MYBL2: variants seen among roughly 807,000 people sequenced by gnomAD.
MYBL2 encodes the protein MYB proto-oncogene like 2.
MYBL2 carries 28 observed loss-of-function variants against 79.9 expected under a neutral mutation model. The ratio of observed to expected loss-of-function variants is 0.35; its 90% CI spans 0.26 to 0.48. The LOEUF (loss-of-function observed/expected upper bound fraction) is 0.48, where lower values mean the gene tolerates loss of function less well. MYBL2 is among the 20% of genes least tolerant of loss of function. The pLI is 0.99. For synonymous variants in MYBL2, 378 were observed against 361.2 expected (o/e 1.05, Z -0.53); for missense variants, 735 against 893.9 (o/e 0.82, Z 2.27).
chr20:43,671,389 C>G (rs750435229), intron 1 of MYBL2, among the ~76,000 whole-genome samples: 2 of 151,574 alleles, frequency 1.3e-5, no homozygotes, highest in African/African-American at 4.9e-5. Flanking sequence ...AACTCCTGAC[C>G]TTGTGATCCA....
At chr20:43,674,970 A>C (rs1986969532) in intron 2 of MYBL2, among the ~76,000 whole-genome samples, 1 of 152,130 alleles carries the variant, frequency 6.6e-6, no homozygotes, top group Non-Finnish European at 1.5e-5. Flanking sequence ...AATCATATGC[A>C]ATCAAATGCC....
In MYBL2 at chr20:43,710,040, A is replaced by G; in HGVS notation, c.1583A>G (p.Lys528Arg). Residue 528 changes from lysine to arginine, a missense_variant, in exon 10 of 14, where the codon AAG becomes AGG. Transcript: ENST00000217026. The stretch of plus-strand genomic sequence containing the variant: ...ACCCCGTTCAAGAACGCCCTGGAGA[A>G]GTACGGACCCCTGAAGCCCCTGGTA... ...TPTPFKNALE[K>R]YGPLKPLPQT... 6.2e-7 allele frequency: 1 copy of G among 1,607,362 alleles called. No homozygotes were observed. The highest frequency in any genetic ancestry group is 8.5e-7 in the Non-Finnish European group (1 of 1,176,824).
chr20:43,702,993 C>G lies in MYBL2; in HGVS notation c.1365+90C>G. 16 of 1,381,052 alleles carry G rather than the reference C, an allele frequency of 1.2e-5. No individual in the cohort carries two copies. The South Asian group carries it at 2.3e-4, about 20-fold the overall frequency. 85.5% of individuals were successfully genotyped at this position (1,381,052 alleles called of 1,614,324 possible). On this transcript the variant is annotated intron_variant, in intron 8 of 13. Transcript: ENST00000217026. ...CAAGGGTGAGCAAAACGAGACCTGG[C>G]TCTGCCCTCATGCAGCTTATGCTCT...
intron 1 of MYBL2, among the ~76,000 whole-genome samples, chr20:43,671,463 ATTTTTTTTTTTTTTT>A (rs376522569): frequency 2.8e-5 from 2 of 70,868 alleles, no homozygotes; most frequent in East Asian, 8.3e-4. Context: ...GCTGATTTCC[ATTTTTTTTTTTTTTT>A]TTTTTTTTTG....
chr20:43,703,022 AG>A, intron 8 of MYBL2, 119 bp downstream of exon 8: 1 of 1,126,850 alleles, frequency 8.9e-7, no homozygotes, highest in East Asian at 2.5e-5. Flanking sequence ...ATGCTCTGGT[AG>A]GAAGACCAGG....
At chr20:43,702,136 T>TA (rs1196357423) in intron 7 of MYBL2, among the ~76,000 whole-genome samples, 1 of 151,594 alleles carries the variant, frequency 6.6e-6, no homozygotes, top group East Asian at 1.9e-4. Context: ...CAAAAAAAAG[T>TA]AAAAAATAAA....
chr20:43,688,210 T>A (rs921097883), intron 5 of MYBL2, among the ~76,000 whole-genome samples: 1 of 151,768 alleles, frequency 6.6e-6, no homozygotes, highest in Non-Finnish European at 1.5e-5. Flanking sequence ...TATTTATTCT[T>A]TTTTTTGGGA....
intron 9 of MYBL2, among the ~76,000 whole-genome samples, chr20:43,707,761 A>AT (rs895056780): frequency 3.3e-5 from 5 of 151,536 alleles, no homozygotes; most frequent in Middle Eastern, 3.4e-3. Context: ...GTATTTCTCT[A>AT]TTTTTTTCCC....
At chr20:43,677,174 T>C (rs965967340) in intron 2 of MYBL2, among the ~76,000 whole-genome samples, 9 of 152,196 alleles carry the variant, frequency 5.9e-5, no homozygotes, top group Non-Finnish European at 1.3e-4. Context: ...TATATTTGGC[T>C]CTTGTGGGCT....
chr20:43,687,411 G>C (rs530412553), intron 5 of MYBL2, among the ~76,000 whole-genome samples: 6 of 152,318 alleles, frequency 3.9e-5, no homozygotes, highest in Non-Finnish European at 8.8e-5. Flanking sequence ...CACAGAATAG[G>C]CTTGAGATGT....
intron 1 of MYBL2, among the ~76,000 whole-genome samples, chr20:43,668,368 T>C (rs1219660334): frequency 6.6e-6 from 1 of 151,942 alleles, no homozygotes; most frequent in Non-Finnish European, 1.5e-5. Flanking sequence ...GTCGGGCTAA[T>C]TTTTTGTATG....
Position 43,686,841 on chromosome 20 carries a change from T to C in MYBL2, c.280-11T>C. 6.2e-7 allele frequency: 1 copy of C among 1,612,388 alleles called. No homozygotes were observed. The highest frequency in any genetic ancestry group is 1.1e-5 in the South Asian group (1 of 91,004). On this transcript the variant is annotated splice_polypyrimidine_tract_variant and intron_variant, in intron 4 of 13. Coordinates refer to ENST00000217026, the MANE Select transcript of MYBL2 (RefSeq NM_002466.4). ...CCGGTGCAAGTGGCTACCCAGAGAC[T>C]TTTCTCTAAGGTCATCGAGCTGGTT...
rs1357986199 is a variant in MYBL2, at chr20:43,683,401, CCCCA to C, written c.279+516_279+519del. ...CAAGGCTCAGAGAGGTTGGGGATGT[CCCCA>C]ACCTAGAAGAGGCAATAAGTGCCAT... On this transcript the variant is annotated intron_variant, in intron 4 of 13. Transcript: ENST00000217026. Among the ~76,000 whole-genome samples the C allele has an allele frequency of 2.8e-4, 43 of 152,136 alleles. 1 individual carries two copies. Among genetic ancestry groups the C allele is most frequent in the African/African-American group, 1.0e-3 (42 of 41,486 alleles).
chr20:43,712,971 C>A (rs747806539), intron 11 of MYBL2, 31 bp from the exon 12 acceptor site: 1 of 1,550,574 alleles, frequency 6.4e-7, no homozygotes, highest in Non-Finnish European at 8.8e-7. Context: ...CAGACACTCA[C>A]CCTAACCCCC....
intron 5 of MYBL2, among the ~76,000 whole-genome samples, chr20:43,688,363 G>A (rs1371763320): frequency 1.3e-5 from 2 of 151,962 alleles, no homozygotes; most frequent in Non-Finnish European, 2.9e-5. Context: ...CACCATGCCT[G>A]GCTAATTTTT....
Position 43,709,972 on chromosome 20 carries a change from C to G in MYBL2, c.1515C>G (p.Thr505=). Residue 505 remains threonine (T), a synonymous_variant, in exon 10 of 14, where the codon ACC becomes ACG. Transcript: ENST00000217026. ...TTCTGGCCCCTGGCAGGTTTGTAACCCCAGATCAGAAGTACTCCATGGACA... is the reference window on the plus strand; with the variant it reads ...TTCTGGCCCCTGGCAGGTTTGTAACGCCAGATCAGAAGTACTCCATGGACA... The part of the protein sequence containing the change: ...PLHQKHAAFV[T]PDQKYSMDNT... 1 of 1,605,992 alleles carries G rather than the reference C, an allele frequency of 6.2e-7. No individual in the cohort carries two copies.
intron 2 of MYBL2, among the ~76,000 whole-genome samples, chr20:43,675,921 T>C (rs1207735108): frequency 1.3e-5 from 2 of 151,308 alleles, no homozygotes; most frequent in Non-Finnish European, 2.9e-5. Flanking sequence ...GTTTTTTTTT[T>C]TTTAAGGCAG....
chr20:43,713,136 G>A, intron 12 of MYBL2, 30 bp downstream of exon 12: 1 of 1,480,488 alleles, frequency 6.8e-7, no homozygotes. Flanking sequence ...GAACTGTTGA[G>A]TTTTGGAGAG....
chr20:43,692,390 T>C (rs1987434333), intron 6 of MYBL2, 71 bp downstream of exon 6: 3 of 1,572,206 alleles, frequency 1.9e-6, no homozygotes, highest in Non-Finnish European at 1.7e-6. Context: ...TTGAACACCT[T>C]GTCCACAGCT....
Sources: gnomAD v4.1 joint callset for allele counts (sites outside exome capture counted in the v4.1 genomes callset) on GRCh38, gnomAD v4.1.1 for gene constraint, MANE v1.5 for transcripts, NCBI Gene and HGNC (gene_info 2026-07-23, HGNC 2026-07-21) for gene names.